The following ARL8B variants were observed in gnomAD, a reference collection of about 807,000 sequenced individuals.
ARL8B encodes the protein ARF like GTPase 8B, also known as ADP-ribosylation factor-like protein 8B.
ARL8B carries 9 observed loss-of-function variants against 30.6 expected under a neutral mutation model. The observed-to-expected ratio is 0.29, with a 90% confidence interval of 0.18 to 0.51. The LOEUF (loss-of-function observed/expected upper bound fraction) is 0.51. ARL8B is among the 20% of genes least tolerant of loss of function. The pLI, the probability that ARL8B is intolerant of heterozygous loss-of-function variation, is 0.97. For synonymous variants in ARL8B, 74 were observed against 76.0 expected (o/e 0.97, Z 0.14); for missense variants, 130 against 227.2 (o/e 0.57, Z 2.75).
chr3:5,136,939 G>C (rs1031962238), intron 1 of ARL8B, among the ~76,000 whole-genome samples: 4 of 152,148 alleles, frequency 2.6e-5, no homozygotes, highest in African/African-American at 9.7e-5. Flanking sequence ...ATATTTATCT[G>C]TGCAAATTAT....
At chr3:5,152,009 C>G (rs886794650) in intron 1 of ARL8B, among the ~76,000 whole-genome samples, 1 of 152,206 alleles carries the variant, frequency 6.6e-6, no homozygotes, top group African/African-American at 2.4e-5. Context: ...TGTGCCCAGG[C>G]AAAGCTTTGA....
intron 1 of ARL8B, among the ~76,000 whole-genome samples, chr3:5,127,396 C>T (rs188552372): frequency 1.3e-5 from 2 of 152,164 alleles, no homozygotes; most frequent in Admixed American, 1.3e-4. Context: ...GTTTTTGTAT[C>T]GTATATGAAA....
intron 1 of ARL8B, among the ~76,000 whole-genome samples, chr3:5,126,104 AG>A (rs1377006954): frequency 6.8e-6 from 1 of 148,096 alleles, no homozygotes; most frequent in Non-Finnish European, 1.5e-5. Context: ...GGACCCCCTC[AG>A]TGAATTTCAT....
At chr3:5,126,946 A>T (rs2054234847) in intron 1 of ARL8B, among the ~76,000 whole-genome samples, 1 of 152,226 alleles carries the variant, frequency 6.6e-6, no homozygotes, top group Admixed American at 6.5e-5. Context: ...ATATAGGATA[A>T]ATCTTATGGA....
intron 1 of ARL8B, among the ~76,000 whole-genome samples, chr3:5,149,055 G>T (rs958318142): frequency 1.3e-5 from 2 of 152,192 alleles, no homozygotes; most frequent in Non-Finnish European, 1.5e-5. Flanking sequence ...TGTTTGCGTC[G>T]CAGGAGAACG....
At chr3:5,163,429 A>G (rs890492035) in intron 1 of ARL8B, among the ~76,000 whole-genome samples, 6 of 152,196 alleles carry the variant, frequency 3.9e-5, no homozygotes, top group Admixed American at 6.5e-5. Flanking sequence ...CCAAATTTGC[A>G]TATAAAACAG....
chr3:5,148,868 C>T (rs1259637634), intron 1 of ARL8B, among the ~76,000 whole-genome samples: 2 of 152,174 alleles, frequency 1.3e-5, no homozygotes, highest in African/African-American at 4.8e-5. Flanking sequence ...AAAGGACTAT[C>T]TGGGGGAATG....
intron 1 of ARL8B, among the ~76,000 whole-genome samples, chr3:5,155,613 C>G (rs184046635): frequency 1.3e-5 from 2 of 151,932 alleles, no homozygotes; most frequent in Non-Finnish European, 2.9e-5. Flanking sequence ...TTCTCTGACT[C>G]AGACTGAATA....
chr3:5,127,370 T>A (rs1013285181), intron 1 of ARL8B, among the ~76,000 whole-genome samples: 1 of 152,212 alleles, frequency 6.6e-6, no homozygotes, highest in Admixed American at 6.5e-5. Context: ...TAATTTAATT[T>A]AAAAAATCAG....
chr3:5,154,034 CT>C (rs2054511405), intron 1 of ARL8B, among the ~76,000 whole-genome samples: 2 of 151,576 alleles, frequency 1.3e-5, no homozygotes, highest in Non-Finnish European at 2.9e-5. Flanking sequence ...CATCATTTCT[CT>C]TTGGCTGCTT....
chr3:5,165,123 GT>G (rs2054613444), intron 1 of ARL8B, among the ~76,000 whole-genome samples: 1 of 152,094 alleles, frequency 6.6e-6, no homozygotes, highest in African/African-American at 2.4e-5. Context: ...TATAATACTA[GT>G]TTTCCCCATC....
intron 1 of ARL8B, among the ~76,000 whole-genome samples, chr3:5,144,079 T>G (rs1431962797): frequency 6.6e-6 from 1 of 152,240 alleles, no homozygotes; most frequent in African/African-American, 2.4e-5. Context: ...TAATCCCATC[T>G]AATTTGTAAA....
rs71053495 is a variant in ARL8B, at chr3:5,159,602, CAAAAAAAAAA to C, written c.124-10887_124-10878del. 1.4e-4 allele frequency among the ~76,000 whole-genome samples: 11 copies of C among 77,068 alleles called. No homozygotes were observed. In the South Asian group the frequency reaches 3.0e-3, roughly 21 times the overall value. The allele number at this position is 77,068 out of a possible 152,430, so 50.6% of individuals were successfully genotyped here. On this transcript the variant is annotated intron_variant, in intron 1 of 6. Coordinates refer to ENST00000256496, the MANE Select transcript of ARL8B (RefSeq NM_018184.3). ...GGGCAACAAGAATGAAACTCCGTCT[CAAAAAAAAAA>C]AAAAAAAAAAAAAGAGAAAAAGAAA...
At chr3:5,131,036 C>T (rs2054278385) in intron 1 of ARL8B, among the ~76,000 whole-genome samples, 1 of 151,406 alleles carries the variant, frequency 6.6e-6, no homozygotes, top group Non-Finnish European at 1.5e-5. Context: ...CCTCAGCCTC[C>T]CGAATAGCTA....
chr3:5,127,839 CT>C (rs1439380851), intron 1 of ARL8B, among the ~76,000 whole-genome samples: 1 of 138,926 alleles, frequency 7.2e-6, no homozygotes, highest in Non-Finnish European at 1.5e-5. Context: ...CGCCACTGCA[CT>C]CCAGCCTGGG....
intron 1 of ARL8B, among the ~76,000 whole-genome samples, chr3:5,133,599 G>C (rs926248159): frequency 7.9e-5 from 12 of 152,030 alleles, no homozygotes; most frequent in Admixed American, 4.6e-4. Flanking sequence ...AGAAAGAATG[G>C]GTTTAGAAGA....
In ARL8B at chr3:5,172,216, G is replaced by A. The variant is rs759125519; in HGVS notation, c.271G>A (p.Ala91Thr). The change falls in exon 3 of 7, where the codon GCT becomes ACT. Residue 91 changes from alanine (A) to threonine (T), a missense_variant. By Grantham distance (58) the Ala-to-Thr change is moderately conservative. Coordinates refer to ENST00000256496, the MANE Select transcript of ARL8B (RefSeq NM_018184.3). Reference sequence around the variant, plus strand: ...GGAGCGGTATTGCAGAGGAGTCAATGCTATTGTGTAAGTGGTTTTTTTTTG... The same window carrying A: ...GGAGCGGTATTGCAGAGGAGTCAATACTATTGTGTAAGTGGTTTTTTTTTG... ...MWERYCRGVN[A>T]IVYMIDAADR... The A allele has an allele frequency of 5.6e-6, 9 of 1,611,896 alleles. No homozygotes were observed. Among genetic ancestry groups the A allele is most frequent in the Non-Finnish European group, 7.6e-6 (9 of 1,178,962 alleles).
intron 1 of ARL8B, among the ~76,000 whole-genome samples, chr3:5,122,886 T>G (rs552065947): frequency 2.6e-5 from 4 of 152,340 alleles, no homozygotes; most frequent in African/African-American, 9.6e-5. Context: ...GTCACATTTT[T>G]AAAGCGCTTG....
intron 1 of ARL8B, among the ~76,000 whole-genome samples, chr3:5,132,807 G>T (rs1263300340): frequency 6.6e-6 from 1 of 152,158 alleles, no homozygotes; most frequent in Non-Finnish European, 1.5e-5. Flanking sequence ...GTCATTTATG[G>T]TCGGGTATGT....
Sources: allele counts gnomAD v4.1 joint callset (sites outside exome capture counted in the v4.1 genomes callset), GRCh38; gene constraint gnomAD v4.1.1; transcripts MANE v1.5; gene names NCBI Gene and HGNC (gene_info 2026-07-23, HGNC 2026-07-21).